Variants in LRMDA observed in about 807,000 individuals in gnomAD.
The protein encoded by LRMDA is leucine rich melanocyte differentiation associated.
Under a neutral mutation model 29.8 loss-of-function variants are expected in LRMDA, and 18 were observed. The ratio of observed to expected loss-of-function variants is 0.60; its 90% CI spans 0.42 to 0.90. The LOEUF (loss-of-function observed/expected upper bound fraction) is 0.90. LRMDA is among the 40% of genes least tolerant of loss of function. The pLI, the probability that LRMDA is intolerant of heterozygous loss-of-function variation, is 0.00. For synonymous variants in LRMDA, 125 were observed against 109.4 expected (o/e 1.14, Z -0.89); for missense variants, 273 against 273.9 (o/e 1.00, Z 0.02).
intron 6 of LRMDA, among the ~76,000 whole-genome samples, chr10:76,344,323 A>G (rs867380291): frequency 1.1e-4 from 17 of 152,188 alleles, no homozygotes; most frequent in South Asian, 4.1e-4. Flanking sequence ...ATAATCAAAC[A>G]TTAACAAAAA....
At chr10:76,168,919 C>T (rs759692481) in intron 5 of LRMDA, among the ~76,000 whole-genome samples, 1 of 151,932 alleles carries the variant, frequency 6.6e-6, no homozygotes, top group Non-Finnish European at 1.5e-5. Context: ...ATAAGTAAGA[C>T]AGAACAAAAG....
At chr10:76,556,520 T>G (rs1455985051) in intron 6 of LRMDA, 4 of 152,096 alleles carry the variant, frequency 2.6e-5, no homozygotes, top group Non-Finnish European at 5.9e-5. Context: ...CCCAGCTAAT[T>G]TTTTTAATAT....
chr10:75,818,549 G>A (rs1004813431), intron 2 of LRMDA, among the ~76,000 whole-genome samples: 10 of 152,162 alleles, frequency 6.6e-5, no homozygotes, highest in African/African-American at 7.2e-5. Flanking sequence ...TTTGAAAAAC[G>A]TTTTAGCCCA....
chr10:75,526,721 T>C (rs1845417056), intron 2 of LRMDA, among the ~76,000 whole-genome samples: 1 of 152,036 alleles, frequency 6.6e-6, no homozygotes, highest in African/African-American at 2.4e-5. Context: ...CTGGGTGTGG[T>C]GGCACATGCC....
At chr10:76,405,096 G>A (rs1249605292) in intron 6 of LRMDA, among the ~76,000 whole-genome samples, 2 of 152,268 alleles carry the variant, frequency 1.3e-5, no homozygotes, top group Middle Eastern at 3.4e-3. Context: ...TCTCCAGACT[G>A]TAAGATAATA....
chr10:76,474,839 A>G (rs1170117395), intron 6 of LRMDA, among the ~76,000 whole-genome samples: 1 of 151,746 alleles, frequency 6.6e-6, no homozygotes, highest in African/African-American at 2.4e-5. Context: ...ATATTGAGCA[A>G]TTCCACTCCT....
At chr10:75,519,235 T>C (rs1845328782) in intron 2 of LRMDA, among the ~76,000 whole-genome samples, 1 of 152,242 alleles carries the variant, frequency 6.6e-6, no homozygotes, top group South Asian at 2.1e-4. Flanking sequence ...GGTCCAGAGC[T>C]GAGTTCATGT....
chr10:75,604,397 AAAT>A (rs1840929085), intron 2 of LRMDA, among the ~76,000 whole-genome samples: 1 of 152,120 alleles, frequency 6.6e-6, no homozygotes, highest in Non-Finnish European at 1.5e-5. Flanking sequence ...TGGGACACAA[AAAT>A]TCAATTTATT....
chr10:76,086,297 C>T (rs1324878653), intron 5 of LRMDA, among the ~76,000 whole-genome samples: 1 of 152,156 alleles, frequency 6.6e-6, no homozygotes, highest in African/African-American at 2.4e-5. Context: ...ATTGTCTTAC[C>T]TCTGGAAATC....
chr10:76,366,499 A>G (rs1447385359), intron 6 of LRMDA, among the ~76,000 whole-genome samples: 2 of 151,932 alleles, frequency 1.3e-5, no homozygotes, highest in East Asian at 3.9e-4. Flanking sequence ...TAAGTATTTT[A>G]TTTTTATTGC....
At chr10:75,992,393 T>C (rs1340997717) in intron 2 of LRMDA, among the ~76,000 whole-genome samples, 1 of 152,184 alleles carries the variant, frequency 6.6e-6, no homozygotes, top group Non-Finnish European at 1.5e-5. Context: ...CGGGGAAGAA[T>C]GTCCTTGCCA....
intron 2 of LRMDA, among the ~76,000 whole-genome samples, chr10:75,854,432 T>C (rs903394336): frequency 6.6e-6 from 1 of 152,150 alleles, no homozygotes; most frequent in Admixed American, 6.6e-5. Context: ...TCTCAAAATA[T>C]CCAGATTTGG....
chr10:76,286,868 A>G (rs1840277777), intron 5 of LRMDA, among the ~76,000 whole-genome samples: 2 of 152,222 alleles, frequency 1.3e-5, no homozygotes, highest in African/African-American at 2.4e-5. Flanking sequence ...TTGCCAGCCC[A>G]TAATGTCATA....
At chr10:75,511,794 C>A (rs1564789222) in intron 2 of LRMDA, among the ~76,000 whole-genome samples, 1 of 152,194 alleles carries the variant, frequency 6.6e-6, no homozygotes, top group Non-Finnish European at 1.5e-5. Flanking sequence ...CCCTTTCAAA[C>A]CTTCTAGATC....
chr10:75,940,116 C>G (rs1046563132), intron 2 of LRMDA, among the ~76,000 whole-genome samples: 1 of 152,122 alleles, frequency 6.6e-6, no homozygotes, highest in African/African-American at 2.4e-5. Flanking sequence ...GAGTACCTAA[C>G]TTAATTCTGG....
intron 2 of LRMDA, among the ~76,000 whole-genome samples, chr10:75,710,585 CTT>C (rs34529871): frequency 0.085 from 12,966 of 152,260 alleles, 791 homozygotes; most frequent in Non-Finnish European, 0.13. Flanking sequence ...GCAGAGGAGA[CTT>C]TTTGCTGCTG....
chr10:76,087,885 G>A (rs1020022355), intron 5 of LRMDA, among the ~76,000 whole-genome samples: 2 of 152,194 alleles, frequency 1.3e-5, no homozygotes, highest in African/African-American at 2.4e-5. Flanking sequence ...ACTTTGGGAG[G>A]CTAGAGTGGA....
chr10:75,596,027 CTA>C (rs1420201992), intron 2 of LRMDA, among the ~76,000 whole-genome samples: 8 of 152,028 alleles, frequency 5.3e-5, no homozygotes, highest in Non-Finnish European at 1.2e-4. Context: ...GTCATCACTT[CTA>C]GTGTTGTATG....
chr10:76,265,302 A>G (rs1181246544), intron 5 of LRMDA, among the ~76,000 whole-genome samples: 1 of 152,116 alleles, frequency 6.6e-6, no homozygotes, highest in African/African-American at 2.4e-5. Context: ...TTTGAGGGCA[A>G]TGTTTTTATT....
Sources: allele counts gnomAD v4.1 joint callset (sites outside exome capture counted in the v4.1 genomes callset), GRCh38; gene constraint gnomAD v4.1.1; transcripts MANE v1.5; gene names NCBI Gene and HGNC (gene_info 2026-07-23, HGNC 2026-07-21).